Variants in PROX1 observed in about 807,000 individuals in gnomAD.
PROX1 encodes prospero homeobox 1.
In PROX1, 7 loss-of-function variants were observed where a neutral mutation model predicts 58.8. That is an observed-to-expected ratio of 0.12 (90% CI 0.07 to 0.22). The LOEUF (loss-of-function observed/expected upper bound fraction) is 0.22. Ranked by LOEUF, PROX1 falls within the 10% of genes least tolerant of loss-of-function variation. The pLI is 1.00. For synonymous variants in PROX1, 350 were observed against 358.3 expected, an observed-to-expected ratio of 0.98 and a Z score of 0.26; for missense variants, 675 against 927.8, an observed-to-expected ratio of 0.73 and a Z score of 3.54.
chr1:213,997,438 G>C lies in PROX1; in HGVS notation c.903G>C (p.Glu301Asp). ...SVGRSDNEMC[E>D]LDPGQFIDRA... Reference sequence around the variant, plus strand: ...GAAGGTCAGATAATGAGATGTGCGAGCTAGACCCAGGACAGTTTATTGACC... The same window carrying C: ...GAAGGTCAGATAATGAGATGTGCGACCTAGACCCAGGACAGTTTATTGACC... Residue 301 changes from glutamate to aspartate, a missense_variant, in exon 2 of 5, where the codon GAG becomes GAC. By Grantham distance (45) the Glu-to-Asp change is conservative. This residue lies in a region of PROX1 where 403 missense variants were observed against 477.4 expected (regional missense o/e 0.84). Transcript: ENST00000366958. This position sits in a 1 kb window ranked among gnomAD's most constrained non-coding sequence, Gnocchi z 7.1. The C allele has an allele frequency of 6.2e-7, 1 of 1,614,122 alleles. No homozygotes were observed. The highest frequency in any genetic ancestry group is 8.5e-7 in the Non-Finnish European group (1 of 1,180,032).
chr1:213,989,305 G>A (rs1318085826), intron 1 of PROX1, among the ~76,000 whole-genome samples: 2 of 152,018 alleles, frequency 1.3e-5, no homozygotes, highest in Admixed American at 6.5e-5. Flanking sequence ...GTCAAGTTGA[G>A]TAGGGTAAGG....
chr1:213,992,797 A>G (rs1224537081), intron 1 of PROX1, among the ~76,000 whole-genome samples: 1 of 152,230 alleles, frequency 6.6e-6, no homozygotes, highest in Middle Eastern at 3.2e-3. Context: ...TAGATGCAGT[A>G]AAAGTTGAAT....
chr1:213,996,546 A>T lies in PROX1; in HGVS notation c.11A>T (p.His4Leu). MPD[H>L]DSTALLSRQT... ...AATAACCGTCCAGTGATGCCTGACC[A>T]TGACAGCACAGCCCTCTTAAGCCGG... The change falls in exon 2 of 5, where the codon CAT (histidine) becomes CTT (leucine). Residue 4 changes from histidine (H) to leucine (L), a missense_variant. By Grantham distance (99) the His-to-Leu change is moderately conservative. Around this residue, in one of 8 missense-constraint regions of PROX1, gnomAD observed 157 missense variants for 197.8 expected, o/e 0.79. Transcript: ENST00000366958. The T allele has an allele frequency of 6.2e-7, 1 of 1,613,328 alleles. No individual in the cohort carries two copies. The highest frequency in any genetic ancestry group is 8.5e-7 in the Non-Finnish European group (1 of 1,179,416).
intron 3 of PROX1, among the ~76,000 whole-genome samples, chr1:214,010,643 A>G (rs1330962840): frequency 2.0e-5 from 3 of 152,218 alleles, no homozygotes; most frequent in Non-Finnish European, 4.4e-5. Flanking sequence ...AGGACTGTCA[A>G]TAAGGATGGT....
At chr1:214,026,930 T>TA (rs1175867061) in intron 4 of PROX1, among the ~76,000 whole-genome samples, 8 of 152,182 alleles carry the variant, frequency 5.3e-5, no homozygotes, top group Non-Finnish European at 1.0e-4. Context: ...GACTGTTCAT[T>TA]CTTTTTATTA....
chr1:214,005,943 CGTGT>C (rs369421627), intron 3 of PROX1, among the ~76,000 whole-genome samples: 2 of 148,026 alleles, frequency 1.4e-5, no homozygotes, highest in Admixed American at 6.7e-5. Context: ...TGTGTGTATG[CGTGT>C]GTGTGTGTGT....
intron 4 of PROX1, among the ~76,000 whole-genome samples, chr1:214,028,624 C>T (rs1402053264): frequency 2.0e-5 from 3 of 152,188 alleles, no homozygotes; most frequent in Non-Finnish European, 1.5e-5. Flanking sequence ...AAATCTCAAA[C>T]TTGTAAACCA....
intron 3 of PROX1, 128 bp downstream of exon 3, chr1:214,005,400 T>C: frequency 1.4e-6 from 1 of 710,688 alleles, no homozygotes; most frequent in Middle Eastern, 3.1e-4. Context: ...ATTGATTTAA[T>C]GCACTTGTCT....
intron 4 of PROX1, among the ~76,000 whole-genome samples, chr1:214,017,392 G>A (rs1429083242): frequency 6.6e-6 from 1 of 152,054 alleles, no homozygotes; most frequent in Non-Finnish European, 1.5e-5. Context: ...CATGTCTTTA[G>A]GTATCATATG....
intron 1 of PROX1, 77 bp downstream of exon 1, chr1:213,988,560 A>G (rs1398008480): frequency 1.3e-5 from 2 of 152,140 alleles, no homozygotes; most frequent in African/African-American, 4.8e-5. Context: ...CTTGAATGAG[A>G]AAGGAAGAAA....
At chr1:214,020,534 T>TAACA (rs1285620284) in intron 4 of PROX1, among the ~76,000 whole-genome samples, 2 of 152,214 alleles carry the variant, frequency 1.3e-5, no homozygotes, top group Non-Finnish European at 2.9e-5. Flanking sequence ...TCTATATATC[T>TAACA]AACAGAGCCA....
At chr1:214,025,846 T>A (rs1256293277) in intron 4 of PROX1, among the ~76,000 whole-genome samples, 1 of 152,022 alleles carries the variant, frequency 6.6e-6, no homozygotes, top group African/African-American at 2.4e-5. Context: ...GTATTTCTAG[T>A]AGAGACGGGG....
rs1662962222 is a variant in PROX1 at position 213,989,940 on chromosome 1, T to G, written c.-68+1457T>G. 2.6e-5 allele frequency among the ~76,000 whole-genome samples: 4 copies of G among 152,010 alleles called. No individual in the cohort carries two copies. The South Asian group carries it at 8.3e-4, about 32-fold the overall frequency. The stretch of plus-strand genomic sequence containing the variant: ...AGGTTGGAGTGTGAAACTGCTGTTC[T>G]TGGCAACCCAGAAGGCTACTCTGCC... On this transcript the variant is annotated intron_variant, in intron 1 of 4. Transcript: ENST00000366958.
In PROX1 at chr1:213,996,979, T is replaced by C; in HGVS notation, c.444T>C (p.Thr148=). Residue 148 remains threonine (T), a synonymous_variant, in exon 2 of 5, where the codon ACT becomes ACC. Coordinates refer to ENST00000366958, the MANE Select transcript of PROX1 (RefSeq NM_001270616.2). ...GTCTTTCCCCTTTTGGCAGGCCTAC[T>C]ATGAGCCAGTTTGATATGGATCGCT... is the stretch of plus-strand genomic sequence containing the variant. The part of the protein sequence containing the change: ...PECLSPFGRP[T]MSQFDMDRLC... 2 of 1,614,014 alleles carry C rather than the reference T, an allele frequency of 1.2e-6. No individual in the cohort carries two copies.
intron 1 of PROX1, among the ~76,000 whole-genome samples, chr1:213,995,904 C>A (rs1663244818): frequency 6.6e-6 from 1 of 152,088 alleles, no homozygotes; most frequent in Non-Finnish European, 1.5e-5. Context: ...GTTCTCCTTC[C>A]CATTTTACAT....
Position 214,021,808 on chromosome 1 carries a change from G to A in PROX1, c.2028+10093G>A, listed in dbSNP as rs1405716257. 2.0e-5 allele frequency among the ~76,000 whole-genome samples: 3 copies of A among 152,320 alleles called. No homozygotes were observed. In the East Asian group the frequency reaches 5.8e-4, roughly 29 times the overall value. The stretch of plus-strand genomic sequence containing the variant: ...TCTTGGCAAATACTCTGGCAAATAT[G>A]ATTGTGTCTATAGGACATACCCAGC... On this transcript the variant is annotated intron_variant, in intron 4 of 4. Coordinates refer to ENST00000366958, the MANE Select transcript of PROX1 (RefSeq NM_001270616.2).
chr1:214,009,437 C>G (rs1558177748), intron 3 of PROX1, among the ~76,000 whole-genome samples: 1 of 152,120 alleles, frequency 6.6e-6, no homozygotes, highest in Non-Finnish European at 1.5e-5. Flanking sequence ...CTTTTTCTCC[C>G]CCAGTGTGAA....
Position 214,005,278 on chromosome 1 carries a change from G to C in PROX1, c.1833+6G>C. On this transcript the variant is annotated splice_donor_region_variant and intron_variant, in intron 3 of 4. Transcript: ENST00000366958. ...CCTACTTCTCCGACGTAAAGGTAGG[G>C]ACTTTTTTTATTCTTAATTTTTTCA... is the stretch of plus-strand genomic sequence containing the variant. The C allele has an allele frequency of 6.3e-7, 1 of 1,593,646 alleles. No individual in the cohort carries two copies. The highest frequency in any genetic ancestry group is 8.6e-7 in the Non-Finnish European group (1 of 1,165,636).
intron 3 of PROX1, among the ~76,000 whole-genome samples, chr1:214,010,873 T>G (rs1663884824): frequency 6.6e-6 from 1 of 152,112 alleles, no homozygotes; most frequent in African/African-American, 2.4e-5. Flanking sequence ...AATGCTGGCT[T>G]CAGGAAGCAG....
Sources: gnomAD v4.1 joint callset for allele counts (sites outside exome capture counted in the v4.1 genomes callset) on GRCh38, gnomAD v4.1.1 for gene constraint, gnomAD v4.1.1 regional missense constraint, Gnocchi (gnomAD v3.1) non-coding constraint, MANE v1.5 for transcripts, NCBI Gene and HGNC (gene_info 2026-07-23, HGNC 2026-07-21) for gene names.